Variants in IL1RAPL1 observed in about 807,000 individuals in gnomAD.
IL1RAPL1 encodes the protein interleukin-1 receptor accessory protein-like 1.
IL1RAPL1 carries 3 observed loss-of-function variants against 48.4 expected under a neutral mutation model. That is an observed-to-expected ratio of 0.06 (90% confidence interval 0.03 to 0.16). IL1RAPL1 has a LOEUF of 0.16. Ranked by LOEUF, IL1RAPL1 falls within the 10% of genes least tolerant of loss-of-function variation. The pLI, the probability that IL1RAPL1 is intolerant of heterozygous loss-of-function variation, is 1.00. For missense variants in IL1RAPL1, 349 were observed against 530.6 expected, an observed-to-expected ratio of 0.66 and a Z score of 3.36; for synonymous variants, 185 against 187.7, an observed-to-expected ratio of 0.99 and a Z score of 0.12.
rs1423467466 is a variant in IL1RAPL1 at position 29,228,360 on chromosome X, TGTGTGTGTGTGTGA to T, written c.83-54576_83-54563del. Among the ~76,000 whole-genome samples the T allele has an allele frequency of 1.2e-4, 12 of 103,718 alleles. No homozygotes were observed. In the South Asian group the frequency reaches 1.4e-3, roughly 12 times the overall value. 90.1% of individuals were successfully genotyped at this position (103,718 alleles called of 115,157 possible). A position where few individuals can be genotyped will look rare whatever the true frequency, so the allele number is the denominator to read the frequency against. On this transcript the variant is annotated intron_variant, in intron 2 of 10. Transcript: ENST00000378993. The stretch of plus-strand genomic sequence containing the variant: ...GTGTGTGTGTGTGTGTGTGTGTGTG[TGTGTGTGTGTGTGA>T]GACAGAGTCTCACCCTGTTACCCAG...
chrX:29,885,016 G>A (rs1330859978), intron 6 of IL1RAPL1, among the ~76,000 whole-genome samples: 1 of 107,749 alleles, frequency 9.3e-6, no homozygotes, highest in Non-Finnish European at 1.9e-5. Context: ...GATCTACAAG[G>A]CCCAATCTGG....
rs766637035 is a variant in IL1RAPL1 at position 29,641,171 on chromosome X, AAAAT to A, written c.704-27255_704-27252del. ...GGGCAACAGAGTGAGACCCTGTCTC[AAAAT>A]AAACAAACAAACAAACAAACAAACA... On this transcript the variant is annotated intron_variant, in intron 5 of 10. Transcript: ENST00000378993. 6.2e-3 allele frequency among the ~76,000 whole-genome samples: 586 copies of A among 95,255 alleles called. 4 individuals are homozygous for A. Among genetic ancestry groups the A allele is most frequent in the African/African-American group, 0.025 (543 of 21,477 alleles). The allele number at this position is 95,255 out of a possible 115,157, so 82.7% of individuals were successfully genotyped here.
At chrX:29,203,722 A>AATATAGAT (rs1419764371) in intron 2 of IL1RAPL1, among the ~76,000 whole-genome samples, 3 of 78,424 alleles carry the variant, frequency 3.8e-5, no homozygotes, top group African/African-American at 1.6e-4. Context: ...TCCGTCTCAA[A>AATATAGAT]ATATATATAT....
intron 5 of IL1RAPL1, among the ~76,000 whole-genome samples, chrX:29,533,019 A>C (rs1921094258): frequency 8.9e-6 from 1 of 112,157 alleles, no homozygotes; most frequent in African/African-American, 3.2e-5. Context: ...TAGCCTAGAG[A>C]CATAACAGTC....
intron 2 of IL1RAPL1, among the ~76,000 whole-genome samples, chrX:29,267,843 C>T (rs1306654550): frequency 9.0e-6 from 1 of 111,642 alleles, no homozygotes; most frequent in East Asian, 2.8e-4. Context: ...AACTTTGAAA[C>T]TTCCATTATC....
intron 3 of IL1RAPL1, among the ~76,000 whole-genome samples, chrX:29,334,016 G>T (rs1465913082): frequency 2.8e-3 from 242 of 85,051 alleles, no homozygotes; most frequent in East Asian, 0.016. Context: ...GGCTGGCCGG[G>T]CGGGGGGCTG....
intron 5 of IL1RAPL1, among the ~76,000 whole-genome samples, chrX:29,501,653 A>G (rs759538566): frequency 9.9e-5 from 11 of 111,058 alleles, no homozygotes; most frequent in South Asian, 3.8e-4. Context: ...TGTGTTCTCT[A>G]TTTTGTACCA....
intron 6 of IL1RAPL1, among the ~76,000 whole-genome samples, chrX:29,735,427 AT>A (rs1928019151): frequency 8.9e-6 from 1 of 111,777 alleles, no homozygotes; most frequent in South Asian, 3.8e-4. Flanking sequence ...TTGCCATCTA[AT>A]TTAACATATT....
At chrX:29,045,767 T>G (rs1261319259) in intron 2 of IL1RAPL1, among the ~76,000 whole-genome samples, 1 of 112,139 alleles carries the variant, frequency 8.9e-6, no homozygotes, top group Admixed American at 9.5e-5. Context: ...CTTCTAGTTT[T>G]TTGTTGTTGT....
chrX:28,952,483 A>T (rs1322065501), intron 2 of IL1RAPL1, among the ~76,000 whole-genome samples: 1 of 111,909 alleles, frequency 8.9e-6, no homozygotes, highest in Non-Finnish European at 1.9e-5. Flanking sequence ...AGACATAAAG[A>T]TCAGCCTTCT....
At chrX:29,413,846 T>A (rs1368016842) in intron 5 of IL1RAPL1, among the ~76,000 whole-genome samples, 1 of 110,033 alleles carries the variant, frequency 9.1e-6, no homozygotes, top group Non-Finnish European at 1.9e-5. Flanking sequence ...CTGGGGTAAA[T>A]AATGAATATG....
intron 5 of IL1RAPL1, among the ~76,000 whole-genome samples, chrX:29,481,154 C>G (rs1453694635): frequency 8.9e-6 from 1 of 112,483 alleles, no homozygotes; most frequent in Non-Finnish European, 1.9e-5. Flanking sequence ...ATGAATACAT[C>G]TTTAAAATGA....
chrX:29,017,086 G>A (rs1926257897), intron 2 of IL1RAPL1, among the ~76,000 whole-genome samples: 1 of 111,949 alleles, frequency 8.9e-6, no homozygotes, highest in Non-Finnish European at 1.9e-5. Flanking sequence ...AGAAAAGTAT[G>A]ACTTCTGTAA....
intron 3 of IL1RAPL1, among the ~76,000 whole-genome samples, chrX:29,348,564 T>A (rs776540766): frequency 9.0e-6 from 1 of 111,560 alleles, no homozygotes; most frequent in Non-Finnish European, 1.9e-5. Flanking sequence ...TAAAGCAGAA[T>A]CCACATGATT....
chrX:29,476,143 G>T (rs964804022), intron 5 of IL1RAPL1, among the ~76,000 whole-genome samples: 6 of 111,273 alleles, frequency 5.4e-5, no homozygotes, highest in Non-Finnish European at 1.1e-4. Flanking sequence ...TAGCCATCCA[G>T]ATGCCTGAAG....
At chrX:28,755,905 C>T (rs957301724) in intron 1 of IL1RAPL1, among the ~76,000 whole-genome samples, 2 of 111,269 alleles carry the variant, frequency 1.8e-5, no homozygotes, top group Non-Finnish European at 3.8e-5. Context: ...AGGATTTGGC[C>T]GAGTAATTTG....
At chrX:28,843,945 G>T (rs1311201708) in intron 2 of IL1RAPL1, among the ~76,000 whole-genome samples, 3 of 109,856 alleles carry the variant, frequency 2.7e-5, no homozygotes, top group Non-Finnish European at 5.7e-5. Flanking sequence ...TCAATAGTCT[G>T]CATTCTCTGC....
intron 6 of IL1RAPL1, among the ~76,000 whole-genome samples, chrX:29,909,295 G>C (rs886505477): frequency 9.0e-6 from 1 of 111,322 alleles, no homozygotes; most frequent in Non-Finnish European, 1.9e-5. Context: ...GCCAGGCATG[G>C]TTACACATGC....
intron 6 of IL1RAPL1, among the ~76,000 whole-genome samples, chrX:29,737,204 T>G (rs181981780): frequency 7.6e-4 from 85 of 112,346 alleles, no homozygotes; most frequent in African/African-American, 2.7e-3. Flanking sequence ...AGTCCATGCT[T>G]GTACTTTATA....
Sources: gnomAD v4.1 joint callset for allele counts (sites outside exome capture counted in the v4.1 genomes callset) on GRCh38, gnomAD v4.1.1 for gene constraint, MANE v1.5 for transcripts, NCBI Gene and HGNC (gene_info 2026-07-23, HGNC 2026-07-21) for gene names.